The following ELFN2 variants were observed in gnomAD, a reference collection of about 807,000 sequenced individuals.
ELFN2 encodes extracellular leucine rich repeat and fibronectin type III domain containing 2.
ELFN2 carries 17 observed loss-of-function variants against 45.5 expected under a neutral mutation model. That is an observed-to-expected ratio of 0.37 (90% CI 0.26 to 0.56). The LOEUF is 0.56. Among genes scored for constraint, ELFN2 ranks in the 20% least tolerant of loss-of-function variants. The probability of loss-of-function intolerance (pLI) is 0.77; values close to 1 mark genes in which losing one functional copy is unlikely to be tolerated. For synonymous variants in ELFN2, 550 were observed against 551.5 expected, an observed-to-expected ratio of 1.00 and a Z score of 0.04; for missense variants, 922 against 1,183.2, an observed-to-expected ratio of 0.78 and a Z score of 3.24.
chr22:37,369,068 C>T lies in ELFN2; in HGVS notation c.*4004G>A, dbSNP rs1279357422. The T allele has an allele frequency of 6.6e-6, 1 of 152,152 alleles. No individual in the cohort carries two copies. The highest frequency in any genetic ancestry group is 1.5e-5 in the Non-Finnish European group (1 of 68,040). 9.4% of individuals were successfully genotyped at this position (152,152 alleles called of 1,614,324 possible). ...TTATCCCTTCCCTGCACTTAGGCCC[C>T]TTATAAGCTAGGACCTGTCACTGGT... is the stretch of plus-strand genomic sequence containing the variant. On this transcript the variant is annotated 3_prime_UTR_variant, in exon 3 of 3. Transcript: ENST00000402918.
intron 2 of ELFN2, among the ~76,000 whole-genome samples, chr22:37,406,057 G>A (rs1202289408): frequency 3.9e-5 from 6 of 152,100 alleles, no homozygotes; most frequent in Non-Finnish European, 8.8e-5. Context: ...TGGGAGGATC[G>A]CTTGAGCCTA....
At chr22:37,416,311 G>A (rs143092107) in intron 2 of ELFN2, among the ~76,000 whole-genome samples, 4 of 152,286 alleles carry the variant, frequency 2.6e-5, no homozygotes, top group Non-Finnish European at 5.9e-5. Context: ...TGCTGAGTCC[G>A]GCACTCAGGG....
intron 1 of ELFN2, among the ~76,000 whole-genome samples, chr22:37,423,502 A>G (rs1297479289): frequency 6.6e-6 from 1 of 152,152 alleles, no homozygotes. Context: ...TCCTGGTTCC[A>G]TCGCTGTGTG....
chr22:37,376,102 G>C (rs888958355), intron 2 of ELFN2, 106 bp from the exon 3 acceptor site: 3 of 140,440 alleles, frequency 2.1e-5, no homozygotes, highest in Non-Finnish European at 4.6e-5. Context: ...CCCCGTCCCA[G>C]GGCCTCTGTG....
In ELFN2 at chr22:37,372,920, G is replaced by T; in HGVS notation, c.*152C>A. On this transcript the variant is annotated 3_prime_UTR_variant, in exon 3 of 3. Transcript: ENST00000402918. This position sits in a 1 kb window ranked among gnomAD's most constrained non-coding sequence, Gnocchi z 4.4. ...TTGTTCACAGTCGGGTGGTGGTCAG[G>T]TGTGTGTGTGCGTGCGTGCGTGCGG... 1.3e-6 allele frequency: 1 copy of T among 746,318 alleles called. No individual in the cohort carries two copies. Among genetic ancestry groups the T allele is most frequent in the Non-Finnish European group, 2.1e-6 (1 of 473,150 alleles). 46.2% of individuals were successfully genotyped at this position (746,318 alleles called of 1,614,324 possible).
chr22:37,425,663 C>G (rs562035594), intron 1 of ELFN2, among the ~76,000 whole-genome samples: 1 of 152,310 alleles, frequency 6.6e-6, no homozygotes, highest in South Asian at 2.1e-4. Context: ...AACACTCTTT[C>G]TTCCTGCCTA....
chr22:37,390,071 A>G (rs1158056381), intron 2 of ELFN2, among the ~76,000 whole-genome samples: 1 of 152,166 alleles, frequency 6.6e-6, no homozygotes, highest in Non-Finnish European at 1.5e-5. Flanking sequence ...CTGCCCCAAC[A>G]GGCTGCATGG....
At chr22:37,401,271 A>C (rs1406203536) in intron 2 of ELFN2, among the ~76,000 whole-genome samples, 4 of 152,258 alleles carry the variant, frequency 2.6e-5, no homozygotes, top group Non-Finnish European at 5.9e-5. Flanking sequence ...TGTCTAAGAC[A>C]GGGACACACA....
At chr22:37,365,072 C>T (rs371910958), downstream of ELFN2, among the ~76,000 whole-genome samples, 43 of 152,264 alleles carry the variant, frequency 2.8e-4, no homozygotes, top group African/African-American at 1.0e-3. Flanking sequence ...CAGTGGGTCC[C>T]ACAGTGACCC....
chr22:37,344,986 G>A (rs1416603751), intron 1 of ELFN2, among the ~76,000 whole-genome samples: 2 of 152,056 alleles, frequency 1.3e-5, no homozygotes, highest in East Asian at 1.9e-4. Flanking sequence ...TCTCCCACTG[G>A]GAGCCAGCCC....
downstream of ELFN2, among the ~76,000 whole-genome samples, chr22:37,367,624 G>A (rs1250524420): frequency 7.2e-5 from 11 of 152,218 alleles, no homozygotes; most frequent in Non-Finnish European, 1.0e-4. Flanking sequence ...TCTGAATCCC[G>A]GGTGTGGGAG....
intron 1 of ELFN2, chr22:37,426,803 C>T (rs1267085907): frequency 6.6e-6 from 1 of 152,052 alleles, no homozygotes; most frequent in Non-Finnish European, 1.5e-5. Flanking sequence ...CTTACCAACC[C>T]CACCGCCGTC....
chr22:37,398,540 T>G (rs890574222), intron 2 of ELFN2, among the ~76,000 whole-genome samples: 1 of 141,630 alleles, frequency 7.1e-6, no homozygotes, highest in Non-Finnish European at 1.5e-5. Flanking sequence ...TCGCCTACCC[T>G]GCCTCAGCCC....
At chr22:37,397,406 T>C (rs1306893451) in intron 2 of ELFN2, among the ~76,000 whole-genome samples, 1 of 152,198 alleles carries the variant, frequency 6.6e-6, no homozygotes, top group East Asian at 1.9e-4. Flanking sequence ...ACGCTGAGTG[T>C]GCCCATTATT....
intron 2 of ELFN2, among the ~76,000 whole-genome samples, chr22:37,407,944 G>A (rs1932547858): frequency 6.6e-6 from 1 of 152,054 alleles, no homozygotes; most frequent in South Asian, 2.1e-4. Flanking sequence ...TTAAACTGCA[G>A]ATAATCCCAA....
chr22:37,413,750 A>T (rs186383215), intron 2 of ELFN2, among the ~76,000 whole-genome samples: 109 of 152,332 alleles, frequency 7.2e-4, no homozygotes, highest in African/African-American at 2.6e-3. Flanking sequence ...GCCTGAGGTC[A>T]CACAGCTAGC....
At chr22:37,422,940 C>T (rs1932819817) in intron 1 of ELFN2, among the ~76,000 whole-genome samples, 1 of 66,120 alleles carries the variant, frequency 1.5e-5, no homozygotes. Flanking sequence ...GGAAACTGGG[C>T]CTCGGGGGGG....
intron 2 of ELFN2, among the ~76,000 whole-genome samples, chr22:37,397,398 G>A (rs1932243314): frequency 6.6e-6 from 1 of 152,150 alleles, no homozygotes. Context: ...CCCCACCCAC[G>A]CTGAGTGTGC....
At position 37,343,597 on chromosome 22, in the gene ELFN2, T is replaced by G. The variant is rs537349935; in HGVS notation, n.149-894A>C. Among the ~76,000 whole-genome samples the G allele has an allele frequency of 2.0e-5, 3 of 152,174 alleles. 1 individual carries two copies. The South Asian group carries it at 6.2e-4, about 32-fold the overall frequency. ...CGAGCCTGTCTTGCTCCCTCCTCAGTGCTCCCGCTGCTCAGCCGTGAGGAT... is the reference window on the plus strand; with the variant it reads ...CGAGCCTGTCTTGCTCCCTCCTCAGGGCTCCCGCTGCTCAGCCGTGAGGAT... On this transcript the variant is annotated intron_variant and non_coding_transcript_variant, in intron 1 of 2. Transcript: ENST00000452946.
Sources: allele counts gnomAD v4.1 joint callset (sites outside exome capture counted in the v4.1 genomes callset), GRCh38; gene constraint gnomAD v4.1.1; non-coding constraint Gnocchi (gnomAD v3.1); transcripts MANE v1.5; gene names NCBI Gene and HGNC (gene_info 2026-07-23, HGNC 2026-07-21).